The following PDK2 variants were observed in gnomAD, a reference collection of about 807,000 sequenced individuals.
PDK2 encodes pyruvate dehydrogenase kinase 2, also known as pyruvate dehydrogenase kinase, isozyme 2.
A neutral mutation model predicts 50.4 loss-of-function variants in PDK2; 34 were observed. That is an observed-to-expected ratio of 0.68 (90% CI 0.51 to 0.90). The LOEUF (loss-of-function observed/expected upper bound fraction) is 0.90. PDK2 is among the 40% of genes least tolerant of loss of function. The pLI is 0.00. For synonymous variants in PDK2, 232 were observed against 216.0 expected (o/e 1.07, Z -0.65); for missense variants, 377 against 544.5 (o/e 0.69, Z 3.06).
At position 50,109,316 on chromosome 17, in the gene PDK2, C is replaced by T. The variant is rs1437819895; in HGVS notation, c.999C>T (p.Ser333=). ...LAGFGYGLPI[S]RLYAKYFQGD... ...GCTTTGGTTATGGGCTCCCCATTTC[C>T]CGCCTCTACGCCAAGTACTTCCAGG... Residue 333 remains serine, a synonymous_variant, in exon 10 of 11, where the codon TCC becomes TCT. Coordinates refer to ENST00000503176, the MANE Select transcript of PDK2 (RefSeq NM_002611.5). This position sits in a 1 kb window ranked among gnomAD's most constrained non-coding sequence, Gnocchi z 5.0. 6 of 1,613,562 alleles carry T rather than the reference C, an allele frequency of 3.7e-6. No individual in the cohort carries two copies. Among genetic ancestry groups the T allele is most frequent in the Non-Finnish European group, 5.1e-6 (6 of 1,179,884 alleles).
intron 6 of PDK2, among the ~76,000 whole-genome samples, chr17:50,107,627 G>A (rs927249341): frequency 6.6e-6 from 1 of 152,180 alleles, no homozygotes; most frequent in African/African-American, 2.4e-5. Flanking sequence ...GAGTAAGCAA[G>A]ACAGAAATGG....
intron 1 of PDK2, 41 bp downstream of exon 1, chr17:50,095,594 G>C (rs1331943986): frequency 1.3e-6 from 2 of 1,544,710 alleles, no homozygotes; most frequent in Non-Finnish European, 1.8e-6. Flanking sequence ...GGAGGCCGGC[G>C]GGGCGCTGGG....
chr17:50,096,025 A>AC, intron 1 of PDK2: 1 of 749,368 alleles, frequency 1.3e-6, no homozygotes, highest in Non-Finnish European at 1.6e-6. Context: ...AGGGTCAGAC[A>AC]CCCCTGGGCA....
intron 8 of PDK2, 50 bp from the exon 9 acceptor site, chr17:50,108,562 G>C (rs745415385): frequency 1.4e-6 from 2 of 1,467,956 alleles, no homozygotes; most frequent in African/African-American, 2.8e-5. Context: ...ATTGGGCGGG[G>C]TGGGGAAAAT....
chr17:50,109,406 G>C lies in PDK2; in HGVS notation c.1083+6G>C. 2 of 1,581,420 alleles carry C rather than the reference G, an allele frequency of 1.3e-6. No homozygotes were observed. The highest frequency in any genetic ancestry group is 1.7e-5 in the Admixed American group (1 of 59,480). ...ATGCTGTCATCTATCTCAAGGTGAG[G>C]GCCCTTCCCGCAGAGCCCAGCTGGA... is the stretch of plus-strand genomic sequence containing the variant. On this transcript the variant is annotated splice_donor_region_variant and intron_variant, in intron 10 of 10. Coordinates refer to ENST00000503176, the MANE Select transcript of PDK2 (RefSeq NM_002611.5). This position sits in a 1 kb window ranked among gnomAD's most constrained non-coding sequence, Gnocchi z 5.0.
intron 2 of PDK2, 95 bp downstream of exon 2, chr17:50,097,659 G>A (rs186582494): frequency 8.9e-6 from 13 of 1,462,424 alleles, no homozygotes; most frequent in Admixed American, 8.8e-5. Context: ...AGCTTTGAGG[G>A]TGGGGTGGGG....
chr17:50,111,410 G>A lies in PDK2; in HGVS notation c.*1313G>A, dbSNP rs1470906918. 6.6e-6 allele frequency: 1 copy of A among 152,260 alleles called. No homozygotes were observed. The highest frequency in any genetic ancestry group is 2.4e-5 in the African/African-American group (1 of 41,456). The allele number at this position is 152,260 out of a possible 1,614,324, so 9.4% of individuals were successfully genotyped here. On this transcript the variant is annotated 3_prime_UTR_variant, in exon 11 of 11. Transcript: ENST00000503176. Reference sequence around the variant, plus strand: ...CCACTATAGCTACTGATGGCTTTAAGGATGTGGGTGCCTTCCAACCTCCCA... The same window carrying A: ...CCACTATAGCTACTGATGGCTTTAAAGATGTGGGTGCCTTCCAACCTCCCA...
rs771370916 is a variant in PDK2 at position 50,095,413 on chromosome 17, C to T, written c.-23C>T. On this transcript the variant is annotated 5_prime_UTR_variant, in exon 1 of 11. Coordinates refer to ENST00000503176, the MANE Select transcript of PDK2 (RefSeq NM_002611.5). ...AGCGCTGCCCGCGCGGGGACCACAACCAAAGTCGCGGCCGCCGCAGCCATG... is the reference window on the plus strand; with the variant it reads ...AGCGCTGCCCGCGCGGGGACCACAATCAAAGTCGCGGCCGCCGCAGCCATG... 2 of 1,567,296 alleles carry T rather than the reference C, an allele frequency of 1.3e-6. 1 individual carries two copies. The highest frequency in any genetic ancestry group is 2.3e-5 in the South Asian group (2 of 88,252).
At chr17:50,100,179 G>A (rs913533540) in intron 2 of PDK2, among the ~76,000 whole-genome samples, 5 of 152,240 alleles carry the variant, frequency 3.3e-5, no homozygotes, top group African/African-American at 7.2e-5. Context: ...GCAGTTATTA[G>A]TGGTCATGGT....
intron 1 of PDK2, chr17:50,096,355 C>A: frequency 1.1e-6 from 1 of 938,728 alleles, no homozygotes; most frequent in East Asian, 1.2e-4. Flanking sequence ...GCCAACGTGG[C>A]AGCTGAAATG....
chr17:50,097,088 C>G (rs968377540), intron 1 of PDK2, among the ~76,000 whole-genome samples: 1 of 151,470 alleles, frequency 6.6e-6, no homozygotes, highest in African/African-American at 2.4e-5. Context: ...TGGAATCAGC[C>G]CCTCAAAGTG....
chr17:50,102,859 C>T (rs982993594), intron 2 of PDK2, among the ~76,000 whole-genome samples: 1 of 152,204 alleles, frequency 6.6e-6, no homozygotes, highest in Non-Finnish European at 1.5e-5. Flanking sequence ...CCATCAGCAG[C>T]GGCATCACCG....
intron 4 of PDK2, 177 bp downstream of exon 4, chr17:50,106,246 T>A: frequency 7.1e-7 from 1 of 1,409,842 alleles, no homozygotes; most frequent in South Asian, 1.6e-5. Flanking sequence ...AAAATTTTTC[T>A]TTCTCATTGA....
rs773749367 is a variant in PDK2, at chr17:50,106,796, C to T, written c.520C>T (p.Leu174Phe). The T allele has an allele frequency of 1.2e-6, 2 of 1,613,704 alleles. No homozygotes were observed. The highest frequency in any genetic ancestry group is 2.2e-5 in the East Asian group (1 of 44,884). ...GCATCCTCCCTTCCTGCCTGCAGCC[C>T]TCATCTTTGATGGCAGCACCAACCC... ...SIRMLINQHT[L>F]IFDGSTNPAH... The change falls in exon 5 of 11, where the codon CTC (leucine) becomes TTC (phenylalanine). Residue 174 changes from leucine (L) to phenylalanine (F), a missense_variant and splice_region_variant. By Grantham distance (22) the Leu-to-Phe change is conservative (BLOSUM62 0). Transcript: ENST00000503176.
chr17:50,096,329 G>A, intron 1 of PDK2: 1 of 982,912 alleles, frequency 1.0e-6, no homozygotes, highest in South Asian at 4.7e-5. Context: ...TGGCCCTGGG[G>A]CAGGAGGGAG....
intron 1 of PDK2, chr17:50,095,766 ACGGTCC>A (rs1319708425): frequency 4.4e-5 from 62 of 1,396,266 alleles, no homozygotes; most frequent in Non-Finnish European, 5.5e-5. Context: ...ATTTACAAGG[ACGGTCC>A]CGAGGTTTCT....
rs1910772056 is a variant in PDK2 at position 50,110,454 on chromosome 17, A to C, written c.*357A>C. ...GGTCCCCCTCAGCACCCTCCACAGC[A>C]CAGGCCTTCCAAGTGGATGTCCCGT... On this transcript the variant is annotated 3_prime_UTR_variant, in exon 11 of 11. Coordinates refer to ENST00000503176, the MANE Select transcript of PDK2 (RefSeq NM_002611.5). 5.6e-6 allele frequency: 1 copy of C among 177,066 alleles called. No individual in the cohort carries two copies. The highest frequency in any genetic ancestry group is 2.3e-5 in the African/African-American group (1 of 42,578). 11.0% of individuals were successfully genotyped at this position (177,066 alleles called of 1,614,324 possible).
In PDK2 at chr17:50,106,858, C is replaced by A; in HGVS notation, c.582C>A (p.Asn194Lys). Residue 194 changes from asparagine (N) to lysine (K), a missense_variant, in exon 5 of 11, where the codon AAC (asparagine) becomes AAA (lysine). By Grantham distance (94) the Asn-to-Lys change is moderately conservative (BLOSUM62 0). Around this residue, in one of 3 missense-constraint regions of PDK2, gnomAD observed 214 missense variants for 294.0 expected, o/e 0.73. Coordinates refer to ENST00000503176, the MANE Select transcript of PDK2 (RefSeq NM_002611.5). ...HPKHIGSIDP[N>K]CNVSEVVKDA... The stretch of plus-strand genomic sequence containing the variant: ...AACACATCGGCAGCATCGACCCCAA[C>A]TGCAACGTCTCTGAGGTGGTCAAAG... The A allele has an allele frequency of 6.2e-7, 1 of 1,614,122 alleles. No individual in the cohort carries two copies. The highest frequency in any genetic ancestry group is 1.6e-4 in the Middle Eastern group (1 of 6,062).
upstream of PDK2, chr17:50,095,150 T>A (rs1317566424): frequency 1.6e-5 from 6 of 364,394 alleles, no homozygotes. Flanking sequence ...AGGTGGGAAC[T>A]CGGCGCGGCC....
Sources: gnomAD v4.1 joint callset for allele counts (sites outside exome capture counted in the v4.1 genomes callset) on GRCh38, gnomAD v4.1.1 for gene constraint, gnomAD v4.1.1 regional missense constraint, Gnocchi (gnomAD v3.1) non-coding constraint, MANE v1.5 for transcripts, NCBI Gene and HGNC (gene_info 2026-07-23, HGNC 2026-07-21) for gene names.